MIS18A: variants seen among roughly 807,000 people sequenced by gnomAD.
MIS18A encodes the protein MIS18 kinetochore protein A.
Under a neutral mutation model 25.0 loss-of-function variants are expected in MIS18A, and 14 were observed. The observed-to-expected ratio is 0.56, with a 90% CI of 0.37 to 0.88. The LOEUF (loss-of-function observed/expected upper bound fraction) is 0.88, where lower values mean the gene tolerates loss of function less well. Ranked by LOEUF, MIS18A falls within the 40% of genes least tolerant of loss-of-function variation. The pLI is 0.00. For synonymous variants in MIS18A, 134 were observed against 118.6 expected (o/e 1.13, Z -0.84); for missense variants, 292 against 290.8 (o/e 1.00, Z -0.03).
the MIS18A span, among the ~76,000 whole-genome samples, chr21:32,214,407 T>C: frequency 1.3e-5 from 2 of 152,112 alleles, no homozygotes. Flanking sequence ...TGCAGACGGG[T>C]TGCAAGGGTC....
chr21:32,208,404 A>C, the MIS18A span, among the ~76,000 whole-genome samples: 1 of 152,170 alleles, frequency 6.6e-6, no homozygotes, highest in African/African-American at 2.4e-5. Context: ...TAAAAATATG[A>C]GACCTCCCCC....
downstream of MIS18A, among the ~76,000 whole-genome samples, chr21:32,265,901 A>G (rs2031589969): frequency 6.6e-6 from 1 of 151,590 alleles, no homozygotes; most frequent in South Asian, 2.1e-4. Context: ...ACCAATCGGC[A>G]CTCTGTATCT....
the MIS18A span, among the ~76,000 whole-genome samples, chr21:32,160,285 A>AAC: frequency 0.049 from 7,150 of 145,550 alleles, 238 homozygotes; most frequent in Non-Finnish European, 0.069. Flanking sequence ...ACACCTCTGC[A>AAC]ACACACACAC....
chr21:32,268,199 T>A (rs1405237704), downstream of MIS18A: 2 of 152,186 alleles, frequency 1.3e-5, no homozygotes, highest in African/African-American at 4.8e-5. Context: ...TAAATACAAT[T>A]CAGTTTGTAA....
the MIS18A span, among the ~76,000 whole-genome samples, chr21:32,177,945 C>T: frequency 0.59 from 89,661 of 151,090 alleles, 27,384 homozygotes; most frequent in African/African-American, 0.74. Flanking sequence ...GACAGTATCT[C>T]GTTCAGATAC....
chr21:32,181,967 T>C, the MIS18A span, among the ~76,000 whole-genome samples: 2 of 152,220 alleles, frequency 1.3e-5, no homozygotes, highest in East Asian at 3.8e-4. Flanking sequence ...AGAATATTCA[T>C]ACCTGTTTAT....
At chr21:32,211,449 T>G in the MIS18A span, among the ~76,000 whole-genome samples, 7 of 152,250 alleles carry the variant, frequency 4.6e-5, no homozygotes, top group Admixed American at 1.3e-4. Flanking sequence ...GGAAATGACA[T>G]GCATCCCCTG....
At chr21:32,272,248 A>G (rs1310075593) in intron 2 of MIS18A, among the ~76,000 whole-genome samples, 1 of 152,250 alleles carries the variant, frequency 6.6e-6, no homozygotes, top group Non-Finnish European at 1.5e-5. Flanking sequence ...ACAAAGTCAG[A>G]CTTAACAGAG....
At chr21:32,247,389 A>G in the MIS18A span, among the ~76,000 whole-genome samples, 7 of 152,306 alleles carry the variant, frequency 4.6e-5, no homozygotes, top group Admixed American at 3.9e-4. Flanking sequence ...AGAGAAGAAA[A>G]GAGTACCAAA....
the MIS18A span, among the ~76,000 whole-genome samples, chr21:32,226,762 A>T: frequency 2.0e-5 from 3 of 152,214 alleles, no homozygotes; most frequent in Non-Finnish European, 4.4e-5. Flanking sequence ...GACCTAATAG[A>T]CATCTACAGA....
chr21:32,266,327 C>T (rs537146896), downstream of MIS18A, among the ~76,000 whole-genome samples: 5 of 152,320 alleles, frequency 3.3e-5, no homozygotes, highest in South Asian at 2.1e-4. Context: ...ACAGGCCACT[C>T]GGCTCTACCA....
the MIS18A span, among the ~76,000 whole-genome samples, chr21:32,250,343 T>C: frequency 6.6e-6 from 1 of 152,226 alleles, no homozygotes; most frequent in African/African-American, 2.4e-5. Flanking sequence ...TATAGATATG[T>C]AGATGTAATC....
At chr21:32,171,663 G>C in the MIS18A span, among the ~76,000 whole-genome samples, 1 of 151,954 alleles carries the variant, frequency 6.6e-6, no homozygotes, top group Non-Finnish European at 1.5e-5. Flanking sequence ...ACAATTATAA[G>C]TACTTGTGTA....
the MIS18A span, among the ~76,000 whole-genome samples, chr21:32,240,911 TC>T: frequency 5.3e-5 from 8 of 152,170 alleles, no homozygotes; most frequent in African/African-American, 1.4e-4. Flanking sequence ...GTCACTACAA[TC>T]CCCATAATAC....
rs1490495043 is a variant in MIS18A at position 32,278,954 on chromosome 21, C to A, written c.61G>T (p.Asp21Tyr). The change falls in exon 1 of 5, where the codon GAC (aspartate) becomes TAC (tyrosine). Residue 21 changes from aspartate (D) to tyrosine (Y), a missense_variant. Coordinates refer to ENST00000290130, the MANE Select transcript of MIS18A (RefSeq NM_018944.3). ...RGCAGGCECGDKGKCSDSSLL... is the reference protein window; with the variant it reads ...RGCAGGCECGYKGKCSDSSLL... Reference sequence around the variant, plus strand: ...GAGGAGTCGCTGCATTTGCCCTTGTCGCCGCACTCACAGCCGCCAGCGCAT... The same window carrying A: ...GAGGAGTCGCTGCATTTGCCCTTGTAGCCGCACTCACAGCCGCCAGCGCAT... 2 of 1,612,878 alleles carry A rather than the reference C, an allele frequency of 1.2e-6. No individual in the cohort carries two copies. Among genetic ancestry groups the A allele is most frequent in the Admixed American group, 1.7e-5 (1 of 60,030 alleles).
chr21:32,235,230 G>A, the MIS18A span, among the ~76,000 whole-genome samples: 4 of 152,174 alleles, frequency 2.6e-5, no homozygotes, highest in South Asian at 2.1e-4. Context: ...TGTCTTCAGC[G>A]GAATTGGAGG....
At chr21:32,158,278 G>T in the MIS18A span, among the ~76,000 whole-genome samples, 1 of 152,084 alleles carries the variant, frequency 6.6e-6, no homozygotes, top group Non-Finnish European at 1.5e-5. Context: ...TTTCAAAAGA[G>T]AAATGGTGGC....
chr21:32,169,026 C>G, the MIS18A span, among the ~76,000 whole-genome samples: 1 of 152,136 alleles, frequency 6.6e-6, no homozygotes, highest in Non-Finnish European at 1.5e-5. Flanking sequence ...TCAAAATCAC[C>G]TATGTCAGAA....
the MIS18A span, among the ~76,000 whole-genome samples, chr21:32,226,072 T>A: frequency 8.3e-6 from 1 of 120,226 alleles, no homozygotes; most frequent in Non-Finnish European, 1.7e-5. Context: ...TAGGTGGGAA[T>A]TGAACAATGA....
Sources: allele counts gnomAD v4.1 joint callset (sites outside exome capture counted in the v4.1 genomes callset), GRCh38; gene constraint gnomAD v4.1.1; transcripts MANE v1.5; gene names NCBI Gene and HGNC (gene_info 2026-07-23, HGNC 2026-07-21).